Variants in TRIM2 observed in about 807,000 individuals in gnomAD.
TRIM2 encodes the protein tripartite motif containing 2, also known as tripartite motif-containing protein 2.
A neutral mutation model predicts 75.2 loss-of-function variants in TRIM2; 20 were observed. The observed-to-expected ratio is 0.27, with a 90% CI of 0.19 to 0.39. The LOEUF (loss-of-function observed/expected upper bound fraction) is 0.39, where lower values mean the gene tolerates loss of function less well. Among genes scored for constraint, TRIM2 ranks in the 10% least tolerant of loss-of-function variants. The probability of loss-of-function intolerance (pLI) is 1.00; values close to 1 mark genes in which losing one functional copy is unlikely to be tolerated. For missense variants in TRIM2, 660 were observed against 990.8 expected, an observed-to-expected ratio of 0.67 and a Z score of 4.48; for synonymous variants, 373 against 388.3, an observed-to-expected ratio of 0.96 and a Z score of 0.46.
At chr4:153,191,680 TC>T (rs1733204619) in intron 1 of TRIM2, among the ~76,000 whole-genome samples, 1 of 152,224 alleles carries the variant, frequency 6.6e-6, no homozygotes. Context: ...TAGATTTCCT[TC>T]ATGATGATAT....
chr4:153,326,749 G>C (rs984055560), intron 10 of TRIM2, among the ~76,000 whole-genome samples: 2 of 152,234 alleles, frequency 1.3e-5, no homozygotes, highest in Non-Finnish European at 2.9e-5. Flanking sequence ...GGGACGCCAA[G>C]GCGGACAGCT....
upstream of TRIM2, chr4:153,152,759 G>C (rs763533989): frequency 7.9e-5 from 12 of 152,140 alleles, no homozygotes; most frequent in Non-Finnish European, 1.6e-4. Context: ...AGTAGAAATA[G>C]GGACGAGTGT....
intron 10 of TRIM2, 117 bp downstream of exon 10, chr4:153,324,265 G>C (rs1347516239): frequency 1.6e-5 from 13 of 789,938 alleles, no homozygotes; most frequent in Non-Finnish European, 2.3e-5. Context: ...CAGCAGAGTA[G>C]ACTTTGTTCT....
intron 1 of TRIM2, among the ~76,000 whole-genome samples, chr4:153,258,225 C>T (rs556782859): frequency 3.5e-4 from 54 of 152,206 alleles, no homozygotes; most frequent in African/African-American, 1.2e-3. Context: ...CCATTGGAAA[C>T]CCATTCATTC....
intron 1 of TRIM2, among the ~76,000 whole-genome samples, chr4:153,230,394 C>T (rs1743302343): frequency 6.6e-6 from 1 of 152,092 alleles, no homozygotes; most frequent in Non-Finnish European, 1.5e-5. Context: ...GCTGTCCAGG[C>T]TGGTCTCCAA....
intron 1 of TRIM2, chr4:153,265,707 G>A (rs1393149182): frequency 2.0e-5 from 3 of 152,106 alleles, no homozygotes; most frequent in Non-Finnish European, 4.4e-5. Context: ...CTTGCTCAGG[G>A]GCAATATTTT....
intron 1 of TRIM2, among the ~76,000 whole-genome samples, chr4:153,182,478 G>A (rs371041529): frequency 6.6e-5 from 10 of 152,126 alleles, no homozygotes; most frequent in Middle Eastern, 3.2e-3. Context: ...CATGTTGCCC[G>A]TGACTCGGTT....
chr4:153,206,216 C>T (rs766079253), intron 1 of TRIM2, among the ~76,000 whole-genome samples: 4 of 152,184 alleles, frequency 2.6e-5, no homozygotes, highest in Non-Finnish European at 2.9e-5. Context: ...CAGGCTGCCC[C>T]GACCTCAGAG....
intron 2 of TRIM2, among the ~76,000 whole-genome samples, chr4:153,273,270 C>CATTTTTTTTTTTTTTTTTTTTTTTT (rs1757187818): frequency 1.7e-5 from 1 of 57,390 alleles, no homozygotes; most frequent in African/African-American, 7.0e-5. Context: ...TACAGTCACT[C>CATTTTTTTTTTTTTTTTTTTTTTTT]TTTTTTTTTT....
intron 3 of TRIM2, among the ~76,000 whole-genome samples, chr4:153,279,270 T>G (rs1401090123): frequency 1.3e-5 from 2 of 152,222 alleles, no homozygotes; most frequent in Non-Finnish European, 2.9e-5. Flanking sequence ...TGCTAAAGTC[T>G]GTTAAGCTAA....
intron 1 of TRIM2, among the ~76,000 whole-genome samples, chr4:153,254,030 G>A (rs1399429806): frequency 6.6e-6 from 1 of 152,124 alleles, no homozygotes; most frequent in East Asian, 1.9e-4. Flanking sequence ...CTCTCTTGGG[G>A]TCTGGATCGG....
chr4:153,261,985 T>G (rs1261499787), intron 1 of TRIM2, among the ~76,000 whole-genome samples: 3 of 152,212 alleles, frequency 2.0e-5, no homozygotes, highest in Admixed American at 6.5e-5. Context: ...CTGGATATTT[T>G]TATGCCCAAG....
chr4:153,170,303 G>A (rs1226138148), intron 1 of TRIM2, among the ~76,000 whole-genome samples: 2 of 152,158 alleles, frequency 1.3e-5, no homozygotes, highest in African/African-American at 4.8e-5. Context: ...ACTTTTCAGT[G>A]AATATGAATA....
chr4:153,233,103 A>C (rs2149807913), intron 1 of TRIM2, among the ~76,000 whole-genome samples: 2 of 152,360 alleles, frequency 1.3e-5, no homozygotes, highest in South Asian at 4.1e-4. Context: ...CAGTGGCTTG[A>C]TGTTTTGGCA....
At chr4:153,329,131 C>T (rs1209884468) in intron 11 of TRIM2, among the ~76,000 whole-genome samples, 1 of 152,094 alleles carries the variant, frequency 6.6e-6, no homozygotes, top group Non-Finnish European at 1.5e-5. Flanking sequence ...TTCAAAATTA[C>T]AGTAATTATT....
At chr4:153,327,887 A>T (rs1770594711) in intron 10 of TRIM2, among the ~76,000 whole-genome samples, 1 of 152,250 alleles carries the variant, frequency 6.6e-6, no homozygotes, top group South Asian at 2.1e-4. Context: ...ATATTCATCA[A>T]AGCCTTAGGA....
chr4:153,229,209 T>C (rs1194128035), intron 1 of TRIM2, among the ~76,000 whole-genome samples: 1 of 152,206 alleles, frequency 6.6e-6, no homozygotes, highest in Non-Finnish European at 1.5e-5. Flanking sequence ...TTTCTTGTAG[T>C]CCACATATAT....
At position 153,334,821 on chromosome 4, in the gene TRIM2, A is replaced by C. The variant is rs1350640448; in HGVS notation, c.2171A>C (p.Asp724Ala). The part of the protein sequence containing the change: ...DWGNSRIQVF[D>A]GSGSFLSYIN... ...CTTCCTATTTGTTTACAGGTTTTTG[A>C]TGGGAGTGGATCATTTTTGTCCTAC... The change falls in exon 12 of 12, where the codon GAT becomes GCT. Residue 724 changes from aspartate to alanine, a missense_variant. Physicochemically the swap from Asp to Ala is moderately radical, Grantham distance 126 (BLOSUM62 -2). This residue lies in a region of TRIM2 where 40 missense variants were observed against 99.8 expected (regional missense o/e 0.40). Coordinates refer to ENST00000338700, the MANE Select transcript of TRIM2 (RefSeq NM_015271.5). The C allele has an allele frequency of 6.2e-7, 1 of 1,610,708 alleles. No homozygotes were observed. The highest frequency in any genetic ancestry group is 2.2e-5 in the East Asian group (1 of 44,830).
At chr4:153,326,183 AATTT>A (rs1399272021) in intron 10 of TRIM2, among the ~76,000 whole-genome samples, 1 of 152,188 alleles carries the variant, frequency 6.6e-6, no homozygotes, top group Non-Finnish European at 1.5e-5. Context: ...TCTGCCTCTT[AATTT>A]GTTTTCATGT....
Sources: gnomAD v4.1 joint callset for allele counts (sites outside exome capture counted in the v4.1 genomes callset) on GRCh38, gnomAD v4.1.1 for gene constraint, gnomAD v4.1.1 regional missense constraint, MANE v1.5 for transcripts, NCBI Gene and HGNC (gene_info 2026-07-23, HGNC 2026-07-21) for gene names.